RBFOX1: variants seen among roughly 807,000 people sequenced by gnomAD.
The protein encoded by RBFOX1 is RNA binding fox-1 homolog 1, also known as RNA binding protein fox-1 homolog 1.
A neutral mutation model predicts 57.7 loss-of-function variants in RBFOX1; 8 were observed. The observed-to-expected ratio is 0.14, with a 90% CI of 0.08 to 0.25. RBFOX1 has a LOEUF of 0.25. Among genes scored for constraint, RBFOX1 ranks in the 10% least tolerant of loss-of-function variants. The pLI is 1.00. For missense variants in RBFOX1, 611 were observed against 548.5 expected (o/e 1.11, Z -1.14); for synonymous variants, 326 against 222.4 (o/e 1.47, Z -4.15).
At chr16:7,699,216 C>T (rs1263437150) in intron 14 of RBFOX1, among the ~76,000 whole-genome samples, 1 of 152,192 alleles carries the variant, frequency 6.6e-6, no homozygotes, top group Non-Finnish European at 1.5e-5. Context: ...GAGATAGGGT[C>T]TCTGTCATCC....
Position 6,886,782 on chromosome 16 carries a change from AC to A in RBFOX1, c.-15-165274del, listed in dbSNP as rs1181482777. Among the ~76,000 whole-genome samples, 398 of 144,378 alleles carry A rather than the reference AC, an allele frequency of 2.8e-3. 1 individual carries two copies. The highest frequency in any genetic ancestry group is 9.9e-3 in the African/African-American group (369 of 37,208). 94.7% of individuals were successfully genotyped at this position (144,378 alleles called of 152,430 possible). On this transcript the variant is annotated intron_variant, in intron 3 of 15. Coordinates refer to ENST00000550418, the MANE Select transcript of RBFOX1 (RefSeq NM_018723.4). Reference sequence around the variant, plus strand: ...AAAAACAAAAACAAAACAAAACAAAACAAAAAAAAAACCAGAAAAAAAAAGA... The same window carrying A: ...AAAAACAAAAACAAAACAAAACAAAAAAAAAAAAAACCAGAAAAAAAAAGA...
At chr16:7,022,524 G>A (rs1417861361) in intron 3 of RBFOX1, among the ~76,000 whole-genome samples, 1 of 152,044 alleles carries the variant, frequency 6.6e-6, no homozygotes, top group South Asian at 2.1e-4. Flanking sequence ...TTCCCTGTGA[G>A]GTCAGGAACT....
At chr16:6,259,776 G>A (rs750883669) in intron 1 of RBFOX1, among the ~76,000 whole-genome samples, 36 of 152,004 alleles carry the variant, frequency 2.4e-4, no homozygotes, top group Non-Finnish European at 4.4e-5. Flanking sequence ...TGGCAAACAT[G>A]CTGAGACGCC....
rs115270218 is a variant in RBFOX1 at position 6,447,995 on chromosome 16, A to G, written c.-64+130938A>G. ...AGACAAGAGTCTCTCTCTCTCTCTCATAATAACTTTAAGCATGGTAGTTAG... is the reference window on the plus strand; with the variant it reads ...AGACAAGAGTCTCTCTCTCTCTCTCGTAATAACTTTAAGCATGGTAGTTAG... On this transcript the variant is annotated intron_variant, in intron 2 of 15. Coordinates refer to ENST00000550418, the MANE Select transcript of RBFOX1 (RefSeq NM_018723.4). Among the ~76,000 whole-genome samples the G allele has an allele frequency of 9.6e-3, 1,453 of 152,124 alleles. 27 individuals are homozygous for G. Among genetic ancestry groups the G allele is most frequent in the African/African-American group, 0.034 (1,394 of 41,492 alleles).
chr16:6,965,097 A>G (rs574522878), intron 3 of RBFOX1, among the ~76,000 whole-genome samples: 3 of 151,982 alleles, frequency 2.0e-5, no homozygotes, highest in South Asian at 2.1e-4. Context: ...TTCCTAGGTC[A>G]TGAGGTGGGT....
chr16:7,686,569 C>G (rs2076113452), intron 14 of RBFOX1, among the ~76,000 whole-genome samples: 1 of 152,018 alleles, frequency 6.6e-6, no homozygotes. Context: ...GGAGTCTACA[C>G]AGACAAAAAA....
intron 5 of RBFOX1, among the ~76,000 whole-genome samples, chr16:7,527,985 G>A (rs1395578): frequency 0.88 from 133,510 of 152,290 alleles, 58,795 homozygotes; most frequent in Non-Finnish European, 0.91. Context: ...ATAGACAAAT[G>A]GTTTTCAATC....
chr16:5,944,990 AGAG>A (rs2059370611), intron 4 of RBFOX1, among the ~76,000 whole-genome samples: 3 of 117,142 alleles, frequency 2.6e-5, no homozygotes, highest in Non-Finnish European at 5.6e-5. Flanking sequence ...AAAAAAAAAG[AGAG>A]AGAGAGAGAG....
intron 4 of RBFOX1, among the ~76,000 whole-genome samples, chr16:7,301,635 C>CCA (rs1288634137): frequency 6.6e-6 from 1 of 151,974 alleles, no homozygotes; most frequent in Non-Finnish European, 1.5e-5. Flanking sequence ...CAGATAAAGT[C>CCA]TTATTAAAGT....
intron 2 of RBFOX1, among the ~76,000 whole-genome samples, chr16:6,600,493 A>T (rs2097840484): frequency 6.6e-6 from 1 of 152,174 alleles, no homozygotes. Flanking sequence ...AGAGTCTCCA[A>T]ACCCTTTATT....
chr16:7,633,887 C>G (rs540028527), intron 11 of RBFOX1, among the ~76,000 whole-genome samples: 4 of 152,262 alleles, frequency 2.6e-5, no homozygotes, highest in African/African-American at 9.6e-5. Flanking sequence ...TGGCAACATT[C>G]ACTTAGGTTT....
At chr16:7,227,285 A>ACACCCCCC (rs2093190300) in intron 4 of RBFOX1, among the ~76,000 whole-genome samples, 1 of 73,240 alleles carries the variant, frequency 1.4e-5, no homozygotes, top group Non-Finnish European at 3.4e-5. Flanking sequence ...CACACACCCC[A>ACACCCCCC]CCCCACCCCC....
intron 4 of RBFOX1, among the ~76,000 whole-genome samples, chr16:7,149,954 T>C (rs1168935349): frequency 1.3e-5 from 2 of 152,192 alleles, no homozygotes; most frequent in Non-Finnish European, 2.9e-5. Flanking sequence ...GCCATGTTTT[T>C]CTCATACTCA....
intron 3 of RBFOX1, among the ~76,000 whole-genome samples, chr16:5,813,647 G>C (rs767052186): frequency 6.6e-6 from 1 of 152,198 alleles, no homozygotes; most frequent in Non-Finnish European, 1.5e-5. Context: ...TTATATAACA[G>C]GGATCCTGTA....
intron 4 of RBFOX1, among the ~76,000 whole-genome samples, chr16:7,373,796 A>G (rs1010980501): frequency 6.6e-6 from 1 of 152,228 alleles, no homozygotes; most frequent in Non-Finnish European, 1.5e-5. Context: ...GGGTCTGGAA[A>G]CATTCACAGA....
chr16:7,422,205 A>G (rs2098549693), intron 4 of RBFOX1, among the ~76,000 whole-genome samples: 1 of 152,184 alleles, frequency 6.6e-6, no homozygotes, highest in South Asian at 2.1e-4. Context: ...ACACTTGGAT[A>G]GAACTGCCTC....
intron 4 of RBFOX1, among the ~76,000 whole-genome samples, chr16:5,968,407 G>A (rs1030005874): frequency 6.6e-6 from 1 of 152,096 alleles, no homozygotes; most frequent in Non-Finnish European, 1.5e-5. Context: ...GATCAATGAG[G>A]ATTCTCTTCT....
chr16:6,483,076 G>A lies in RBFOX1; in HGVS notation c.-64+166019G>A, dbSNP rs1001489877. The A allele has an allele frequency of 1.2e-5, 11 of 947,782 alleles. No homozygotes were observed. The African/African-American group carries it at 1.2e-4, about 11-fold the overall frequency. 58.7% of individuals were successfully genotyped at this position (947,782 alleles called of 1,614,324 possible). On this transcript the variant is annotated intron_variant, in intron 2 of 15. Coordinates refer to ENST00000550418, the MANE Select transcript of RBFOX1 (RefSeq NM_018723.4). ...CCGCAGCCAGCTCGGAGCTTTGCAA[G>A]TGCCTCCGACCCGTAGGGGCGGGAC...
intron 2 of RBFOX1, among the ~76,000 whole-genome samples, chr16:6,615,278 C>T (rs985299097): frequency 6.6e-6 from 1 of 152,132 alleles, no homozygotes; most frequent in Non-Finnish European, 1.5e-5. Context: ...GCTAATAATT[C>T]CAAAATACAT....
Sources: allele counts gnomAD v4.1 joint callset (sites outside exome capture counted in the v4.1 genomes callset), GRCh38; gene constraint gnomAD v4.1.1; transcripts MANE v1.5; gene names NCBI Gene and HGNC (gene_info 2026-07-23, HGNC 2026-07-21).